CACNA2D2: variants seen among roughly 807,000 people sequenced by gnomAD.
CACNA2D2 encodes voltage-dependent calcium channel subunit alpha-2/delta-2.
Under a neutral mutation model 166.4 loss-of-function variants are expected in CACNA2D2, and 48 were observed. That is an observed-to-expected ratio of 0.29 (90% CI 0.23 to 0.37). The LOEUF (loss-of-function observed/expected upper bound fraction) is 0.37, where lower values mean the gene tolerates loss of function less well. Ranked by LOEUF, CACNA2D2 falls within the 10% of genes least tolerant of loss-of-function variation. The pLI is 1.00. For synonymous variants in CACNA2D2, 561 were observed against 573.7 expected (o/e 0.98, Z 0.32); for missense variants, 1,122 against 1,433.0 (o/e 0.78, Z 3.50).
intron 23 of CACNA2D2, among the ~76,000 whole-genome samples, chr3:50,368,995 G>A (rs774497251): frequency 1.3e-5 from 2 of 152,196 alleles, no homozygotes; most frequent in Non-Finnish European, 2.9e-5. Flanking sequence ...TGTCCCATAT[G>A]GCACTAACTG....
chr3:50,457,916 G>A (rs930928842), intron 2 of CACNA2D2, among the ~76,000 whole-genome samples: 3 of 152,200 alleles, frequency 2.0e-5, no homozygotes, highest in Admixed American at 1.3e-4. Flanking sequence ...GTAAGGGTAT[G>A]GCCTTGGGGA....
intron 3 of CACNA2D2, among the ~76,000 whole-genome samples, chr3:50,425,288 C>A (rs1018292316): frequency 2.0e-5 from 3 of 152,238 alleles, no homozygotes; most frequent in African/African-American, 7.2e-5. Flanking sequence ...CTCACTCTCA[C>A]TGCTAAGCCA....
chr3:50,499,196 C>T (rs1409165993), intron 1 of CACNA2D2, among the ~76,000 whole-genome samples: 1 of 152,178 alleles, frequency 6.6e-6, no homozygotes, highest in Non-Finnish European at 1.5e-5. Flanking sequence ...ATGGGAAGGC[C>T]TCTGGAAGGT....
At chr3:50,468,380 A>AGTGTGTGTGTGTGTGTGTGTGTGT (rs3220659) in intron 2 of CACNA2D2, among the ~76,000 whole-genome samples, 2 of 83,084 alleles carry the variant, frequency 2.4e-5, no homozygotes, top group Non-Finnish European at 4.7e-5. Context: ...TCATCAGAAT[A>AGTGTGTGTGTGTGTGTGTGTGTGT]GTGTGTGTGT....
intron 2 of CACNA2D2, among the ~76,000 whole-genome samples, chr3:50,466,861 C>G (rs533452840): frequency 1.3e-5 from 2 of 152,346 alleles, no homozygotes; most frequent in African/African-American, 4.8e-5. Flanking sequence ...CCTGACAACC[C>G]CCATCTTCTG....
chr3:50,419,914 A>G (rs1707467659), intron 3 of CACNA2D2: 1 of 152,406 alleles, frequency 6.6e-6, no homozygotes, highest in East Asian at 1.9e-4. Flanking sequence ...GGGAAAAAAG[A>G]AAAGAAATGC....
At position 50,379,387 on chromosome 3, in the gene CACNA2D2, C is replaced by T. The variant is rs1416245560; in HGVS notation, c.1152+45G>A. The T allele has an allele frequency of 1.9e-6, 3 of 1,602,968 alleles. No individual in the cohort carries two copies. Among genetic ancestry groups the T allele is most frequent in the Non-Finnish European group, 1.7e-6 (2 of 1,173,186 alleles). On this transcript the variant is annotated intron_variant, in intron 11 of 37. Transcript: ENST00000424201. This position sits in a 1 kb window ranked among gnomAD's most constrained non-coding sequence, Gnocchi z 6.5. ...ATTTCCTGGGTACACCAAGCCAGGG[C>T]CCTCTACTCCCCCAGCCGCCCACTT...
At chr3:50,483,820 A>G (rs1575762633) in intron 1 of CACNA2D2, among the ~76,000 whole-genome samples, 1 of 152,162 alleles carries the variant, frequency 6.6e-6, no homozygotes, top group Admixed American at 6.5e-5. Flanking sequence ...CTGAGGCCTG[A>G]GCCAGTGGTG....
intron 4 of CACNA2D2, among the ~76,000 whole-genome samples, chr3:50,389,197 G>A (rs1040003238): frequency 2.6e-5 from 4 of 152,178 alleles, no homozygotes; most frequent in Non-Finnish European, 5.9e-5. Context: ...CAGGGTGCTC[G>A]GCCTTTCCCT....
At chr3:50,442,596 G>C (rs896946575) in intron 2 of CACNA2D2, among the ~76,000 whole-genome samples, 4 of 152,280 alleles carry the variant, frequency 2.6e-5, no homozygotes, top group African/African-American at 7.2e-5. Flanking sequence ...ACTCAGACAA[G>C]GTATTCACAG....
At chr3:50,500,877 G>C (rs1425550412) in intron 1 of CACNA2D2, among the ~76,000 whole-genome samples, 1 of 152,064 alleles carries the variant, frequency 6.6e-6, no homozygotes, top group African/African-American at 2.4e-5. Context: ...CATGCTGCCA[G>C]AGCGATTGCA....
intron 2 of CACNA2D2, among the ~76,000 whole-genome samples, chr3:50,473,828 A>G (rs1484767730): frequency 7.9e-5 from 12 of 152,206 alleles, no homozygotes; most frequent in African/African-American, 2.7e-4. Context: ...GCCAAGAAAC[A>G]GCCCCAGAGC....
In CACNA2D2 at chr3:50,364,970, G is replaced by A; in HGVS notation, c.3209C>T (p.Ser1070Leu). 6.2e-7 allele frequency: 1 copy of A among 1,612,606 alleles called. No homozygotes were observed. ...AGRLLQKETH[S>L]DGPEQCELVQ... is the part of the protein sequence containing the mutation. ...TAGCTCACACTGCTCCGGGCCGTCC[G>A]CTGGGCATGGGTGGGGAGTCAAGGA... The change falls in exon 37 of 38, where the codon TCG (serine) becomes TTG (leucine). Residue 1070 changes from serine to leucine, a missense_variant and splice_region_variant. Around this residue, in one of 2 missense-constraint regions of CACNA2D2, gnomAD observed 282 missense variants for 266.2 expected, o/e 1.06. Coordinates refer to ENST00000424201, the MANE Select transcript of CACNA2D2 (RefSeq NM_006030.4).
intron 6 of CACNA2D2, among the ~76,000 whole-genome samples, chr3:50,382,583 G>A (rs888490002): frequency 6.6e-6 from 1 of 152,210 alleles, no homozygotes; most frequent in Non-Finnish European, 1.5e-5. Flanking sequence ...CACATTTCAA[G>A]CATTGGCTCT....
chr3:50,465,121 C>T (rs1438508241), intron 2 of CACNA2D2, among the ~76,000 whole-genome samples: 1 of 152,230 alleles, frequency 6.6e-6, no homozygotes, highest in Non-Finnish European at 1.5e-5. Context: ...CTCCAGCAGG[C>T]GGCATGCTGT....
rs1033519116 is a variant in CACNA2D2 at position 50,394,116 on chromosome 3, T to C, written c.458A>G (p.Asn153Ser). The C allele has an allele frequency of 1.9e-6, 3 of 1,613,962 alleles. No homozygotes were observed. The highest frequency in any genetic ancestry group is 2.2e-5 in the East Asian group (1 of 44,890). ...NFQKAHRWQD[N>S]IKEEDIVYYD... ...GGGTGCTGGGGTTCCTACCTTGATG[T>C]TGTCCTGCCAGCGGTGTGCTTTCTG... is the stretch of plus-strand genomic sequence containing the variant. The change falls in exon 4 of 38, where the codon AAC (asparagine) becomes AGC (serine). Residue 153 changes from asparagine (N) to serine (S), a missense_variant. This residue lies in a region of CACNA2D2 where 840 missense variants were observed against 1,166.8 expected (regional missense o/e 0.72). Coordinates refer to ENST00000424201, the MANE Select transcript of CACNA2D2 (RefSeq NM_006030.4).
intron 4 of CACNA2D2, among the ~76,000 whole-genome samples, chr3:50,391,664 C>G (rs573582858): frequency 6.6e-6 from 1 of 152,376 alleles, no homozygotes; most frequent in East Asian, 1.9e-4. Context: ...CCCAACCCCC[C>G]AGGCTGAGGT....
chr3:50,457,666 C>T (rs1709420089), intron 2 of CACNA2D2, among the ~76,000 whole-genome samples: 1 of 152,212 alleles, frequency 6.6e-6, no homozygotes, highest in Admixed American at 6.5e-5. Flanking sequence ...TCTGCCACTG[C>T]CTCAACACAC....
Position 50,366,794 on chromosome 3 carries a change from C to T in CACNA2D2, c.2589+37G>A. The T allele has an allele frequency of 1.9e-6, 3 of 1,599,982 alleles. No individual in the cohort carries two copies. Among genetic ancestry groups the T allele is most frequent in the Non-Finnish European group, 2.6e-6 (3 of 1,169,916 alleles). On this transcript the variant is annotated intron_variant, in intron 29 of 37. Transcript: ENST00000424201. This position sits in a 1 kb window ranked among gnomAD's most constrained non-coding sequence, Gnocchi z 5.9. ...GGGTTCCAGGGGACTCCAGGAAGGG[C>T]ACTGCTGGGTTACTGCCCCCGCCCC...
Sources: gnomAD v4.1 joint callset for allele counts (sites outside exome capture counted in the v4.1 genomes callset) on GRCh38, gnomAD v4.1.1 for gene constraint, gnomAD v4.1.1 regional missense constraint, Gnocchi (gnomAD v3.1) non-coding constraint, MANE v1.5 for transcripts, NCBI Gene and HGNC (gene_info 2026-07-23, HGNC 2026-07-21) for gene names.